Variants in METTL24 observed in about 807,000 individuals in gnomAD.
The protein encoded by METTL24 is methyltransferase like 24.
A neutral mutation model predicts 32.7 loss-of-function variants in METTL24; 29 were observed. That is an observed-to-expected ratio of 0.89 (90% CI 0.66 to 1.21). The LOEUF is 1.21. Among genes scored for constraint, METTL24 ranks in the 50% most tolerant of loss-of-function variants. The pLI is 0.00. For synonymous variants in METTL24, 163 were observed against 179.5 expected (o/e 0.91, Z 0.73); for missense variants, 439 against 468.1 (o/e 0.94, Z 0.57).
At chr6:110,322,703 C>T in intron 2 of METTL24, 71 bp downstream of exon 2, 3 of 1,325,464 alleles carry the variant, frequency 2.3e-6, no homozygotes, top group Middle Eastern at 1.9e-4. Context: ...CCTCCCCCAC[C>T]TCCTTCTTTC....
chr6:110,295,005 C>CT (rs1562228256), intron 4 of METTL24, among the ~76,000 whole-genome samples: 14 of 96,852 alleles, frequency 1.4e-4, no homozygotes, highest in African/African-American at 4.9e-4. Flanking sequence ...TTCTTTTTTT[C>CT]TTTCTTTCTT....
At chr6:110,316,333 T>C (rs569563062) in intron 2 of METTL24, among the ~76,000 whole-genome samples, 1 of 152,352 alleles carries the variant, frequency 6.6e-6, no homozygotes, top group South Asian at 2.1e-4. Context: ...TGACTTGTAT[T>C]TGAGGCTAGT....
At chr6:110,336,478 T>C (rs951061407) in intron 1 of METTL24, among the ~76,000 whole-genome samples, 1 of 152,164 alleles carries the variant, frequency 6.6e-6, no homozygotes, top group Non-Finnish European at 1.5e-5. Flanking sequence ...CGGTGGCTCA[T>C]GCCTGTAATC....
chr6:110,284,194 G>T (rs1235987415), intron 4 of METTL24, among the ~76,000 whole-genome samples: 1 of 152,124 alleles, frequency 6.6e-6, no homozygotes, highest in Non-Finnish European at 1.5e-5. Flanking sequence ...TAGATTAGAG[G>T]TTACCAGGAA....
At chr6:110,275,314 A>G (rs73763006) in intron 4 of METTL24, among the ~76,000 whole-genome samples, 13,721 of 151,882 alleles carry the variant, frequency 0.09, 1,133 homozygotes, top group African/African-American at 0.23. Flanking sequence ...TTCTTGCCTC[A>G]TGTCCTTGCT....
At chr6:110,339,378 T>A (rs4947064) in intron 1 of METTL24, among the ~76,000 whole-genome samples, 52,390 of 152,072 alleles carry the variant, frequency 0.34, 9,851 homozygotes, top group Non-Finnish European at 0.43. Context: ...AATGTGTGCA[T>A]AGAAAGAAAA....
At chr6:110,317,605 T>C (rs1771842949) in intron 2 of METTL24, among the ~76,000 whole-genome samples, 1 of 152,242 alleles carries the variant, frequency 6.6e-6, no homozygotes, top group South Asian at 2.1e-4. Context: ...TCTCCTGGGA[T>C]ATTTTTATTA....
chr6:110,262,609 C>T (rs1416965380), intron 4 of METTL24, among the ~76,000 whole-genome samples: 1 of 152,202 alleles, frequency 6.6e-6, no homozygotes, highest in Non-Finnish European at 1.5e-5. Flanking sequence ...TCCTCCCTAA[C>T]TCATTTTATG....
At chr6:110,263,461 A>T (rs1309086224) in intron 4 of METTL24, among the ~76,000 whole-genome samples, 1 of 152,190 alleles carries the variant, frequency 6.6e-6, no homozygotes, top group Non-Finnish European at 1.5e-5. Context: ...CTGCTCAACG[A>T]AATAAAAGAG....
chr6:110,296,463 T>A (rs2114729669), intron 4 of METTL24, among the ~76,000 whole-genome samples: 1 of 152,366 alleles, frequency 6.6e-6, no homozygotes, highest in Non-Finnish European at 1.5e-5. Context: ...ATGCAGCTGC[T>A]CTAGCCTGAT....
At chr6:110,298,592 C>G (rs1771463010) in intron 4 of METTL24, among the ~76,000 whole-genome samples, 1 of 151,842 alleles carries the variant, frequency 6.6e-6, no homozygotes, top group Non-Finnish European at 1.5e-5. Flanking sequence ...GTAGTTTGCT[C>G]TTTCTGGAAA....
chr6:110,331,885 T>A lies in METTL24; in HGVS notation c.319-9013A>T, dbSNP rs549848372. Among the ~76,000 whole-genome samples, 29 of 151,822 alleles carry A rather than the reference T, an allele frequency of 1.9e-4. No individual in the cohort carries two copies. The South Asian group carries it at 5.6e-3, about 29-fold the overall frequency. Reference sequence around the variant, plus strand: ...TGACAGACCCAGTAGTGGGCCAGGGTCAAAACAACAAGGTGAGAACGGGCA... The same window carrying A: ...TGACAGACCCAGTAGTGGGCCAGGGACAAAACAACAAGGTGAGAACGGGCA... On this transcript the variant is annotated intron_variant, in intron 1 of 4. Transcript: ENST00000338882.
intron 1 of METTL24, among the ~76,000 whole-genome samples, chr6:110,338,647 A>G (rs1053004444): frequency 1.3e-5 from 2 of 152,264 alleles, no homozygotes; most frequent in Admixed American, 6.5e-5. Flanking sequence ...TGAGAATTTA[A>G]AACACTTCAT....
intron 4 of METTL24, among the ~76,000 whole-genome samples, chr6:110,271,863 G>A (rs1295163183): frequency 6.6e-6 from 1 of 152,118 alleles, no homozygotes; most frequent in East Asian, 1.9e-4. Context: ...TGGAGAATGA[G>A]ACATATGTCC....
chr6:110,261,034 A>T (rs1019670687), intron 4 of METTL24, among the ~76,000 whole-genome samples: 1 of 152,186 alleles, frequency 6.6e-6, no homozygotes, highest in Non-Finnish European at 1.5e-5. Flanking sequence ...AAAGACCATC[A>T]AGGCTAGGAA....
At chr6:110,336,650 G>A (rs1348122351) in intron 1 of METTL24, among the ~76,000 whole-genome samples, 1 of 150,948 alleles carries the variant, frequency 6.6e-6, no homozygotes, top group East Asian at 2.0e-4. Context: ...TGAGGCAGAA[G>A]AATGGGTGAA....
chr6:110,326,919 G>T (rs1027614214), intron 1 of METTL24, among the ~76,000 whole-genome samples: 1 of 152,210 alleles, frequency 6.6e-6, no homozygotes, highest in Non-Finnish European at 1.5e-5. Context: ...GCCAGCAGGG[G>T]CAAATGGAAG....
At chr6:110,276,954 T>C (rs1402287619) in intron 4 of METTL24, among the ~76,000 whole-genome samples, 2 of 152,108 alleles carry the variant, frequency 1.3e-5, no homozygotes, top group Non-Finnish European at 2.9e-5. Context: ...GGGAACCACA[T>C]AGAAGCTGCC....
intron 2 of METTL24, among the ~76,000 whole-genome samples, chr6:110,316,067 G>C (rs984192532): frequency 6.6e-6 from 1 of 152,156 alleles, no homozygotes; most frequent in Non-Finnish European, 1.5e-5. Flanking sequence ...AGCTGATCAT[G>C]GGTCAAGTGA....
Sources: allele counts gnomAD v4.1 joint callset (sites outside exome capture counted in the v4.1 genomes callset), GRCh38; gene constraint gnomAD v4.1.1; transcripts MANE v1.5; gene names NCBI Gene and HGNC (gene_info 2026-07-23, HGNC 2026-07-21).